CDH12: variants seen among roughly 807,000 people sequenced by gnomAD.
CDH12 encodes the protein cadherin 12, also known as cadherin-12.
CDH12 carries 41 observed loss-of-function variants against 74.1 expected under a neutral mutation model. The observed-to-expected ratio is 0.55, with a 90% confidence interval of 0.43 to 0.72. The LOEUF (loss-of-function observed/expected upper bound fraction) is 0.72, where lower values mean the gene tolerates loss of function less well. Among genes scored for constraint, CDH12 ranks in the 30% least tolerant of loss-of-function variants. CDH12 has a pLI of 0.00. For missense variants in CDH12, 945 were observed against 977.2 expected (o/e 0.97, Z 0.44); for synonymous variants, 399 against 355.0 (o/e 1.12, Z -1.39).
At chr5:22,562,775 CA>C (rs537335777) in intron 1 of CDH12, among the ~76,000 whole-genome samples, 1 of 150,592 alleles carries the variant, frequency 6.6e-6, no homozygotes, top group South Asian at 2.1e-4. Context: ...GAAAGAGAGA[CA>C]AAACAGAACA....
chr5:22,340,779 T>C (rs1739815651), intron 3 of CDH12, among the ~76,000 whole-genome samples: 1 of 152,180 alleles, frequency 6.6e-6, no homozygotes, highest in African/African-American at 2.4e-5. Context: ...TAATAGTAAA[T>C]TTCTCTGGGA....
chr5:22,452,322 A>G (rs1445385686), intron 2 of CDH12, among the ~76,000 whole-genome samples: 3 of 152,074 alleles, frequency 2.0e-5, no homozygotes, highest in Admixed American at 2.0e-4. Flanking sequence ...TTCAAAATGT[A>G]CTACAAAGCT....
At chr5:22,102,489 TGAA>T (rs1368028362) in intron 4 of CDH12, among the ~76,000 whole-genome samples, 1 of 151,982 alleles carries the variant, frequency 6.6e-6, no homozygotes, top group Non-Finnish European at 1.5e-5. Context: ...ATCAACATGG[TGAA>T]GCCCCGTCTC....
At chr5:22,250,432 C>A (rs1191206763) in intron 3 of CDH12, among the ~76,000 whole-genome samples, 1 of 152,100 alleles carries the variant, frequency 6.6e-6, no homozygotes, top group Non-Finnish European at 1.5e-5. Flanking sequence ...TGATCAGAAT[C>A]CCTACAGGTG....
chr5:22,173,788 C>T (rs577891999), intron 4 of CDH12, among the ~76,000 whole-genome samples: 3 of 151,830 alleles, frequency 2.0e-5, no homozygotes, highest in South Asian at 4.1e-4. Context: ...TTCGATGTTA[C>T]CATAATTTTT....
Position 22,498,893 on chromosome 5 carries a change from T to G in CDH12, c.-428+6377A>C, listed in dbSNP as rs886433393. 6.6e-5 allele frequency among the ~76,000 whole-genome samples: 9 copies of G among 136,634 alleles called. 1 individual carries two copies. The highest frequency in any genetic ancestry group is 3.5e-4 in the Admixed American group (4 of 11,414). 89.6% of individuals were successfully genotyped at this position (136,634 alleles called of 152,430 possible). On this transcript the variant is annotated intron_variant, in intron 2 of 14. Coordinates refer to ENST00000382254, the MANE Select transcript of CDH12 (RefSeq NM_004061.5). ...AAATAGTGTGCTCTTCTTTTTCTTTTTCTGTTTCTTTTTTTTTTTTTTTTT... is the reference window on the plus strand; with the variant it reads ...AAATAGTGTGCTCTTCTTTTTCTTTGTCTGTTTCTTTTTTTTTTTTTTTTT...
intron 3 of CDH12, among the ~76,000 whole-genome samples, chr5:22,340,398 G>C: frequency 6.6e-6 from 1 of 151,946 alleles, no homozygotes; most frequent in African/African-American, 2.4e-5. Context: ...GTGGTGGCGG[G>C]TGCCTGTAGT....
At chr5:22,436,803 T>C (rs1744414437) in intron 2 of CDH12, among the ~76,000 whole-genome samples, 1 of 152,184 alleles carries the variant, frequency 6.6e-6, no homozygotes, top group African/African-American at 2.4e-5. Context: ...TGTACTTACA[T>C]TCTAACACAG....
intron 4 of CDH12, among the ~76,000 whole-genome samples, chr5:22,167,946 T>C (rs1331991736): frequency 6.6e-6 from 1 of 152,130 alleles, no homozygotes; most frequent in Non-Finnish European, 1.5e-5. Context: ...CACCATTAGA[T>C]GGACACATTT....
Position 22,597,427 on chromosome 5 carries a change from A to G in CDH12, c.-522-92063T>C, listed in dbSNP as rs967267757. Among the ~76,000 whole-genome samples, 5 of 152,188 alleles carry G rather than the reference A, an allele frequency of 3.3e-5. No homozygotes were observed. The East Asian group carries it at 7.7e-4, about 23-fold the overall frequency. ...GGTCAGGCTTTCTTACAGTACATGA[A>G]TGAGAAACCTAACTCCACTGCATAC... On this transcript the variant is annotated intron_variant, in intron 1 of 14. Coordinates refer to ENST00000382254, the MANE Select transcript of CDH12 (RefSeq NM_004061.5).
chr5:22,182,941 T>C (rs1357969516), intron 4 of CDH12, among the ~76,000 whole-genome samples: 1 of 152,070 alleles, frequency 6.6e-6, no homozygotes, highest in East Asian at 1.9e-4. Context: ...AAGGCTGAAC[T>C]TTAGTTGTTT....
intron 2 of CDH12, among the ~76,000 whole-genome samples, chr5:22,460,260 C>T (rs1225765307): frequency 6.6e-6 from 1 of 151,676 alleles, no homozygotes; most frequent in East Asian, 1.9e-4. Flanking sequence ...TACTATGTGT[C>T]GTCATTATGC....
intron 1 of CDH12, among the ~76,000 whole-genome samples, chr5:22,586,134 T>A (rs1005290882): frequency 6.6e-6 from 1 of 152,136 alleles, no homozygotes; most frequent in Admixed American, 6.6e-5. Flanking sequence ...ATGTGGCACA[T>A]ATATACCATG....
At chr5:22,567,462 G>A (rs770903639) in intron 1 of CDH12, among the ~76,000 whole-genome samples, 6 of 152,166 alleles carry the variant, frequency 3.9e-5, no homozygotes, top group Non-Finnish European at 8.8e-5. Flanking sequence ...TTATTACATT[G>A]AATCAGTACT....
At chr5:22,534,996 G>A (rs1239401218) in intron 1 of CDH12, among the ~76,000 whole-genome samples, 2 of 141,544 alleles carry the variant, frequency 1.4e-5, no homozygotes, top group South Asian at 2.2e-4. Context: ...TTTTTGAGAC[G>A]GAGTCTCACT....
chr5:22,546,020 C>T (rs2126726440), intron 1 of CDH12, among the ~76,000 whole-genome samples: 1 of 152,206 alleles, frequency 6.6e-6, no homozygotes, highest in East Asian at 1.9e-4. Context: ...TCTCGGCTCA[C>T]TGCAACCCCT....
intron 12 of CDH12, among the ~76,000 whole-genome samples, 192 bp downstream of exon 12, chr5:21,764,786 C>A (rs575675675): frequency 3.3e-5 from 5 of 152,198 alleles, no homozygotes; most frequent in African/African-American, 1.2e-4. Flanking sequence ...TTCATCTGTG[C>A]GGTATCACCT....
chr5:22,629,423 T>A lies in CDH12; in HGVS notation c.-522-124059A>T, dbSNP rs181394753. ...CAAAATCGAATCCACCTAGATTAAGTAGGCTTCATTCTGGAATGCAAGATT... is the reference window on the plus strand; with the variant it reads ...CAAAATCGAATCCACCTAGATTAAGAAGGCTTCATTCTGGAATGCAAGATT... On this transcript the variant is annotated intron_variant, in intron 1 of 14. Coordinates refer to ENST00000382254, the MANE Select transcript of CDH12 (RefSeq NM_004061.5). 1.7e-3 allele frequency among the ~76,000 whole-genome samples: 264 copies of A among 152,172 alleles called. 7 individuals are homozygous for A. Among genetic ancestry groups the A allele is most frequent in the East Asian group, 5.8e-4 (3 of 5,176 alleles).
At chr5:22,784,824 T>G (rs1330345012) in intron 1 of CDH12, among the ~76,000 whole-genome samples, 1 of 152,212 alleles carries the variant, frequency 6.6e-6, no homozygotes, top group Non-Finnish European at 1.5e-5. Flanking sequence ...ATACCTTTTA[T>G]GTATGGCAAG....
Sources: gnomAD v4.1 joint callset for allele counts (sites outside exome capture counted in the v4.1 genomes callset) on GRCh38, gnomAD v4.1.1 for gene constraint, MANE v1.5 for transcripts, NCBI Gene and HGNC (gene_info 2026-07-23, HGNC 2026-07-21) for gene names.